ASB15: variants seen among roughly 807,000 people sequenced by gnomAD.
The protein encoded by ASB15 is ankyrin repeat and SOCS box containing 15.
A neutral mutation model predicts 58.0 loss-of-function variants in ASB15; 54 were observed. The ratio of observed to expected loss-of-function variants is 0.93; its 90% CI spans 0.75 to 1.17. ASB15 has a LOEUF of 1.17. Ranked by LOEUF, ASB15 falls within the 50% of genes most tolerant of loss-of-function variation. The pLI, the probability that ASB15 is intolerant of heterozygous loss-of-function variation, is 0.00. For synonymous variants in ASB15, 249 were observed against 262.4 expected (o/e 0.95, Z 0.50); for missense variants, 680 against 707.4 (o/e 0.96, Z 0.44).
At chr7:123,582,947 T>C (rs533129862) in intron 1 of ASB15, among the ~76,000 whole-genome samples, 1 of 152,200 alleles carries the variant, frequency 6.6e-6, no homozygotes, top group South Asian at 2.1e-4. Context: ...GAAACTAGTG[T>C]AAATCTTGTT....
At chr7:123,617,800 A>G in intron 7 of ASB15, 63 bp downstream of exon 7, 26 of 1,465,116 alleles carry the variant, frequency 1.8e-5, no homozygotes, top group Non-Finnish European at 2.3e-5. Flanking sequence ...TTTATTGGAA[A>G]CCACTGTATA....
intron 7 of ASB15, chr7:123,621,618 A>G (rs1011543068): frequency 3.3e-5 from 5 of 152,166 alleles, no homozygotes; most frequent in Non-Finnish European, 1.5e-5. Context: ...TAATGGCATC[A>G]TCCTTATCTC....
chr7:123,614,436 C>T, intron 3 of ASB15, 65 bp from the exon 4 acceptor site: 2 of 961,172 alleles, frequency 2.1e-6, no homozygotes, highest in South Asian at 2.8e-5. Context: ...TTCATGTTTA[C>T]TCTATGTACT....
chr7:123,594,551 T>C (rs571235865), intron 1 of ASB15, among the ~76,000 whole-genome samples: 87 of 152,132 alleles, frequency 5.7e-4, no homozygotes, highest in Non-Finnish European at 8.7e-4. Context: ...CAGCTGCAAG[T>C]CTGTTGGAGT....
At chr7:123,612,556 C>A (rs930136029) in intron 3 of ASB15, among the ~76,000 whole-genome samples, 1 of 151,944 alleles carries the variant, frequency 6.6e-6, no homozygotes, top group Non-Finnish European at 1.5e-5. Flanking sequence ...TGTCTTGTGC[C>A]AGCCTTAACA....
At position 123,592,299 on chromosome 7, in the gene ASB15, G is replaced by A. The variant is rs557747440; in HGVS notation, c.-442-11733G>A. On this transcript the variant is annotated intron_variant, in intron 1 of 13. Transcript: ENST00000451558. ...TCTCTGTCTCATTCAGTTCTGCTCC[G>A]ATCTTAGTTATTTCTTGTCTTCTGC... Among the ~76,000 whole-genome samples, 7 of 152,080 alleles carry A rather than the reference G, an allele frequency of 4.6e-5. No individual in the cohort carries two copies. The South Asian group carries it at 6.2e-4, about 14-fold the overall frequency.
chr7:123,595,424 G>T (rs1017608139), intron 1 of ASB15, among the ~76,000 whole-genome samples: 1 of 152,106 alleles, frequency 6.6e-6, no homozygotes, highest in South Asian at 2.1e-4. Context: ...TCTGTGTCGG[G>T]TTATTCTTTG....
At chr7:123,594,887 C>T (rs1251143483) in intron 1 of ASB15, among the ~76,000 whole-genome samples, 4 of 152,204 alleles carry the variant, frequency 2.6e-5, no homozygotes, top group Non-Finnish European at 5.9e-5. Flanking sequence ...GGCCCTGCCC[C>T]CAGAGGTGGA....
intron 11 of ASB15, among the ~76,000 whole-genome samples, chr7:123,633,450 A>T (rs1184576766): frequency 6.6e-6 from 1 of 152,188 alleles, no homozygotes; most frequent in Non-Finnish European, 1.5e-5. Flanking sequence ...TACTCTTTGT[A>T]TCCTTGAAAC....
At chr7:123,621,759 T>G (rs1801343196) in intron 7 of ASB15, among the ~76,000 whole-genome samples, 1 of 152,150 alleles carries the variant, frequency 6.6e-6, no homozygotes, top group African/African-American at 2.4e-5. Flanking sequence ...TCGAGTTTCT[T>G]GCTGAGTGGT....
In ASB15 at chr7:123,637,279, T is replaced by C. The variant is rs1024149033; in HGVS notation, c.*298T>C. 1 of 184,124 alleles carries C rather than the reference T, an allele frequency of 5.4e-6. No individual in the cohort carries two copies. Among genetic ancestry groups the C allele is most frequent in the Admixed American group, 6.0e-5 (1 of 16,760 alleles). 11.4% of individuals were successfully genotyped at this position (184,124 alleles called of 1,614,324 possible). On this transcript the variant is annotated 3_prime_UTR_variant, in exon 12 of 12. Coordinates refer to ENST00000451215, the MANE Select transcript of ASB15 (RefSeq NM_001290258.2). ...CAAGTCTCTATGTTTAAAAAACAGATAACCACTTTCTCAAACCCACATCTG... is the reference window on the plus strand; with the variant it reads ...CAAGTCTCTATGTTTAAAAAACAGACAACCACTTTCTCAAACCCACATCTG...
chr7:123,606,506 C>A lies in ASB15; in HGVS notation c.-63-2088C>A, dbSNP rs181142132. Among the ~76,000 whole-genome samples, 18 of 152,224 alleles carry A rather than the reference C, an allele frequency of 1.2e-4. No individual in the cohort carries two copies. The East Asian group carries it at 3.1e-3, about 26-fold the overall frequency. ...GTGGTGAAAACTCTTAAAATCTACA[C>A]CCTTAGCAAATTTCAAGTATACAAT... On this transcript the variant is annotated intron_variant, in intron 2 of 11. Transcript: ENST00000451215.
At chr7:123,599,511 GAAGA>G (rs1366139068), upstream of ASB15, among the ~76,000 whole-genome samples, 1 of 152,166 alleles carries the variant, frequency 6.6e-6, no homozygotes, top group Non-Finnish European at 1.5e-5. Flanking sequence ...TCTTTTTCAG[GAAGA>G]AAGAATACCT....
chr7:123,602,277 G>T (rs1035880116), intron 1 of ASB15, among the ~76,000 whole-genome samples: 1 of 152,048 alleles, frequency 6.6e-6, no homozygotes, highest in Non-Finnish European at 1.5e-5. Flanking sequence ...TAATTTTTGT[G>T]AATAAATAAA....
chr7:123,616,386 G>A lies in ASB15; in HGVS notation c.183G>A (p.Glu61=). The A allele has an allele frequency of 6.2e-7, 1 of 1,609,326 alleles. No individual in the cohort carries two copies. The highest frequency in any genetic ancestry group is 8.5e-7 in the Non-Finnish European group (1 of 1,176,094). The change falls in exon 6 of 12, where the codon GAG becomes GAA. Residue 61 remains glutamate (E), a synonymous_variant. Transcript: ENST00000451215. ...TAGGTCACATTCCTGAGCTCCAGGA[G>A]TATGTAAAATATAAATATGCAATGG... ...IKQGHIPELQ[E]YVKYKYAMDE...
intron 1 of ASB15, chr7:123,596,400 G>A (rs1799693972): frequency 6.6e-6 from 1 of 152,032 alleles, no homozygotes; most frequent in Non-Finnish European, 1.5e-5. Context: ...GAACTCAGGA[G>A]TTTGAAACCA....
intron 2 of ASB15, among the ~76,000 whole-genome samples, chr7:123,606,974 T>C (rs544035918): frequency 1.3e-5 from 2 of 152,252 alleles, no homozygotes; most frequent in African/African-American, 4.8e-5. Context: ...CACACAGAAG[T>C]GAGATTGCTG....
At chr7:123,568,669 T>C (rs1384070748) in intron 1 of ASB15, among the ~76,000 whole-genome samples, 1 of 151,658 alleles carries the variant, frequency 6.6e-6, no homozygotes, top group African/African-American at 2.4e-5. Context: ...AGAAAGAAAA[T>C]AAGTGATGAA....
At chr7:123,618,746 A>T (rs970582442) in intron 7 of ASB15, among the ~76,000 whole-genome samples, 12 of 149,804 alleles carry the variant, frequency 8.0e-5, no homozygotes, top group African/African-American at 2.5e-4. Flanking sequence ...GGAATCACTT[A>T]AAAAAAAATT....
Sources: gnomAD v4.1 joint callset for allele counts (sites outside exome capture counted in the v4.1 genomes callset) on GRCh38, gnomAD v4.1.1 for gene constraint, MANE v1.5 for transcripts, NCBI Gene and HGNC (gene_info 2026-07-23, HGNC 2026-07-21) for gene names.